The following HARS1 variants were observed in gnomAD, a reference collection of about 807,000 sequenced individuals.
HARS1 encodes histidyl-tRNA synthetase 1, also known as histidine--tRNA ligase, cytoplasmic.
In HARS1, 45 loss-of-function variants were observed where a neutral mutation model predicts 63.6. The observed-to-expected ratio is 0.71, with a 90% CI of 0.56 to 0.91. The LOEUF (loss-of-function observed/expected upper bound fraction) is 0.91, where lower values mean the gene tolerates loss of function less well. Ranked by LOEUF, HARS1 falls within the 40% of genes least tolerant of loss-of-function variation. The probability of loss-of-function intolerance (pLI) is 0.00; values close to 1 mark genes in which losing one functional copy is unlikely to be tolerated. For missense variants in HARS1, 508 were observed against 643.2 expected (o/e 0.79, Z 2.27); for synonymous variants, 205 against 247.1 (o/e 0.83, Z 1.60).
intron 2 of HARS1, among the ~76,000 whole-genome samples, chr5:140,686,660 A>ACGCGATCTCGGCTCAC (rs1759051619): frequency 6.7e-6 from 1 of 149,434 alleles, no homozygotes; most frequent in South Asian, 2.1e-4. Flanking sequence ...GAGTGCAATG[A>ACGCGATCTCGGCTCAC]CGCGATCTCG....
At chr5:140,682,963 C>G (rs1299384671) in intron 3 of HARS1, 137 bp downstream of exon 3, 3 of 742,304 alleles carry the variant, frequency 4.0e-6, no homozygotes, top group Non-Finnish European at 6.6e-6. Context: ...TCTTGTCCCC[C>G]TTCTTATTGG....
chr5:140,675,056 T>G lies in HARS1; in HGVS notation c.1272A>C (p.Arg424Ser). The change falls in exon 11 of 13, where the codon AGA becomes AGC. Residue 424 changes from arginine to serine, a missense_variant. Physicochemically the swap from Arg to Ser is moderately radical, Grantham distance 110. Coordinates refer to ENST00000504156, the MANE Select transcript of HARS1 (RefSeq NM_002109.6). ...CCCACAGTTCTGAGACAAGCTTTAGTCTTTCCTCTAGCAGCTTCTTCTGTG... is the reference window on the plus strand; with the variant it reads ...CCCACAGTTCTGAGACAAGCTTTAGGCTTTCCTCTAGCAGCTTCTTCTGTG... ...ASAQKKLLEE[R>S]LKLVSELWDA... The G allele has an allele frequency of 6.2e-7, 1 of 1,613,378 alleles. No homozygotes were observed.
At chr5:140,677,297 C>T in intron 8 of HARS1, 30 bp downstream of exon 8, 1 of 1,544,484 alleles carries the variant, frequency 6.5e-7, no homozygotes, top group Non-Finnish European at 8.9e-7. Context: ...AGTGGGACGG[C>T]TGCTGGGGAG....
In HARS1 at chr5:140,677,418, C is replaced by A. The variant is rs113713558; in HGVS notation, c.732G>T (p.Val244=). 8 of 1,611,460 alleles carry A rather than the reference C, an allele frequency of 5.0e-6. 1 individual carries two copies. In the African/African-American group the frequency reaches 8.0e-5, roughly 16 times the overall value. The change falls in exon 8 of 13, where the codon GTG becomes GTT. Residue 244 remains valine (V), a splice_region_variant and synonymous_variant. Transcript: ENST00000504156. ...ICSSVDKLDK[V]SWEEVKNEMV... is the part of the protein sequence containing the mutation. The stretch of plus-strand genomic sequence containing the variant: ...TCTCATTCTTCACCTCTTCCCAGGA[C>A]ACCTAGGCAGACAGACACCAGTCAG...
At chr5:140,674,865 C>T in intron 11 of HARS1, 40 bp from the exon 12 acceptor site, 1 of 1,612,224 alleles carries the variant, frequency 6.2e-7, no homozygotes, top group South Asian at 1.1e-5. Flanking sequence ...CTGGCTTCTG[C>T]TGTCCTCAGG....
Position 140,679,654 on chromosome 5 carries a change from C to T in HARS1, c.396+134G>A. The T allele has an allele frequency of 1.8e-6, 1 of 570,328 alleles. No individual in the cohort carries two copies. The highest frequency in any genetic ancestry group is 2.4e-5 in the South Asian group (1 of 41,742). 35.3% of individuals were successfully genotyped at this position (570,328 alleles called of 1,614,324 possible). A position where few individuals can be genotyped will look rare whatever the true frequency, so the allele number is the denominator to read the frequency against. ...TGCTCTGTTTAGCCAAAGTTCCACT[C>T]CTGGTTTAGAGAAATAATTCCCCTA... is the stretch of plus-strand genomic sequence containing the variant. On this transcript the variant is annotated intron_variant, in intron 4 of 12. Transcript: ENST00000504156. The surrounding 1 kb of genome is among the most constrained non-coding windows in gnomAD (Gnocchi z 4.3).
intron 2 of HARS1, among the ~76,000 whole-genome samples, chr5:140,689,809 G>C (rs1479815898): frequency 6.6e-6 from 1 of 152,186 alleles, no homozygotes; most frequent in East Asian, 1.9e-4. Context: ...CCTAGATGAA[G>C]GGGTAAACAG....
intron 2 of HARS1, among the ~76,000 whole-genome samples, chr5:140,685,874 T>C (rs979601639): frequency 1.3e-5 from 2 of 152,188 alleles, no homozygotes; most frequent in Non-Finnish European, 2.9e-5. Flanking sequence ...TACATTTCAT[T>C]ATACAATATC....
intron 2 of HARS1, among the ~76,000 whole-genome samples, chr5:140,690,176 G>A (rs1228721093): frequency 1.3e-5 from 2 of 152,188 alleles, no homozygotes; most frequent in African/African-American, 4.8e-5. Context: ...TGGTGGCCGG[G>A]TGCGGTGGCA....
chr5:140,679,937 G>C lies in HARS1; in HGVS notation c.301-54C>G. The C allele has an allele frequency of 1.9e-6, 2 of 1,044,846 alleles. No individual in the cohort carries two copies. The highest frequency in any genetic ancestry group is 2.4e-5 in the East Asian group (1 of 41,006). 64.7% of individuals were successfully genotyped at this position (1,044,846 alleles called of 1,614,324 possible). A position where few individuals can be genotyped will look rare whatever the true frequency, so the allele number is the denominator to read the frequency against. On this transcript the variant is annotated intron_variant, in intron 3 of 12. Coordinates refer to ENST00000504156, the MANE Select transcript of HARS1 (RefSeq NM_002109.6). The surrounding 1 kb of genome is among the most constrained non-coding windows in gnomAD (Gnocchi z 4.3). ...TAATAATAAACATAACAATTTAAAAGGAAGTTTTGAAAACAAACATGACTG... is the reference window on the plus strand; with the variant it reads ...TAATAATAAACATAACAATTTAAAACGAAGTTTTGAAAACAAACATGACTG...
chr5:140,678,387 T>C (rs987368456), intron 5 of HARS1: 6 of 232,458 alleles, frequency 2.6e-5, no homozygotes, highest in African/African-American at 1.4e-4. Flanking sequence ...CCTATCACTG[T>C]GGTTTAAAAT....
chr5:140,686,836 G>A (rs569306918), intron 2 of HARS1, among the ~76,000 whole-genome samples: 3 of 152,036 alleles, frequency 2.0e-5, no homozygotes, highest in East Asian at 1.9e-4. Flanking sequence ...CAGGTGATCC[G>A]CCCGCCTTGG....
rs147372931 is a variant in HARS1 at position 140,674,692 on chromosome 5, G to A, written c.1445C>T (p.Thr482Met). The change falls in exon 12 of 13, where the codon ACG becomes ATG. Residue 482 changes from threonine (T) to methionine (M), a missense_variant. Around this residue, in one of 2 missense-constraint regions of HARS1, gnomAD observed 403 missense variants for 548.7 expected, o/e 0.73. Coordinates refer to ENST00000504156, the MANE Select transcript of HARS1 (RefSeq NM_002109.6). Reference protein sequence around the residue: ...KDGVIKLRSVTSREEVDVRRE... With the variant: ...KDGVIKLRSVMSREEVDVRRE... The stretch of plus-strand genomic sequence containing the variant: ...CACCTCCCTCACCTCTTCCCTGCTC[G>A]TCACTGAACGGAGCTTGATGACCCC... 2.5e-4 allele frequency: 411 copies of A among 1,614,166 alleles called. 3 individuals carry two copies. In the East Asian group the frequency reaches 4.1e-3, roughly 16 times the overall value.
At chr5:140,685,719 CAA>C (rs60936249) in intron 2 of HARS1, among the ~76,000 whole-genome samples, 4 of 116,308 alleles carry the variant, frequency 3.4e-5, no homozygotes, top group Non-Finnish European at 3.6e-5. Flanking sequence ...GACTCTGTCT[CAA>C]AAAAAAAAAA....
In HARS1 at chr5:140,690,892, T is replaced by C. The variant is rs1281545114; in HGVS notation, c.143A>G (p.Asp48Gly). The change falls in exon 2 of 13, where the codon GAT (aspartate) becomes GGT (glycine). Residue 48 changes from aspartate (D) to glycine (G), a missense_variant. Asp to Gly is a moderately conservative substitution (Grantham distance 94). Transcript: ENST00000504156. ...GAGCACAAATTTCTGTTTGCTTTCA[T>C]CAGGACCCAGCTGTGCCTTCAGTTT... is the stretch of plus-strand genomic sequence containing the variant. ...LLKLKAQLGPDESKQKFVLKT... is the reference protein window; with the variant it reads ...LLKLKAQLGPGESKQKFVLKT... The C allele has an allele frequency of 1.2e-6, 2 of 1,610,330 alleles. No individual in the cohort carries two copies. The highest frequency in any genetic ancestry group is 2.2e-5 in the East Asian group (1 of 44,868).
Position 140,677,319 on chromosome 5 carries a change from T to C in HARS1, c.823+8A>G, listed in dbSNP as rs1758438854. On this transcript the variant is annotated splice_region_variant and intron_variant, in intron 8 of 12. Transcript: ENST00000504156. The stretch of plus-strand genomic sequence containing the variant: ...CGGCTGCTGGGGAGGCTTGGTTCTG[T>C]TCCTCACCATGTTGCTGGACATAGT... 4 of 1,600,546 alleles carry C rather than the reference T, an allele frequency of 2.5e-6. No homozygotes were observed. Among genetic ancestry groups the C allele is most frequent in the East Asian group, 4.5e-5 (2 of 44,820 alleles).
In HARS1 at chr5:140,675,068, C is replaced by T. The variant is rs769251049; in HGVS notation, c.1260G>A (p.Leu420=). Residue 420 remains leucine (L), a synonymous_variant, in exon 11 of 13, where the codon CTG becomes CTA. Transcript: ENST00000504156. ...AGACAAGCTTTAGTCTTTCCTCTAG[C>T]AGCTTCTTCTGTGCAGATGCCACAA... ...QVLVASAQKK[L]LEERLKLVSE... The T allele has an allele frequency of 9.3e-6, 15 of 1,613,572 alleles. No individual in the cohort carries two copies. The highest frequency in any genetic ancestry group is 5.1e-6 in the Non-Finnish European group (6 of 1,179,682).
intron 10 of HARS1, 121 bp from the exon 11 acceptor site, chr5:140,675,254 T>C (rs564162177): frequency 2.9e-6 from 2 of 700,584 alleles, no homozygotes; most frequent in African/African-American, 1.8e-5. Flanking sequence ...GGGCCCTGTC[T>C]TCTCATCTAG....
chr5:140,679,167 T>G lies in HARS1; in HGVS notation c.397-40A>C, dbSNP rs774831711. 26 of 1,607,954 alleles carry G rather than the reference T, an allele frequency of 1.6e-5. No homozygotes were observed. The South Asian group carries it at 2.3e-4, about 14-fold the overall frequency. ...TTAAGGAGAAAGCCCCTCCTATCAC[T>G]GTCTGCAAGTTGATTATCATCACCA... On this transcript the variant is annotated intron_variant, in intron 4 of 12. Transcript: ENST00000504156. This position sits in a 1 kb window ranked among gnomAD's most constrained non-coding sequence, Gnocchi z 4.3.
Sources: allele counts gnomAD v4.1 joint callset (sites outside exome capture counted in the v4.1 genomes callset), GRCh38; gene constraint gnomAD v4.1.1; regional missense constraint gnomAD v4.1.1; non-coding constraint Gnocchi (gnomAD v3.1); transcripts MANE v1.5; gene names NCBI Gene and HGNC (gene_info 2026-07-23, HGNC 2026-07-21).